Variants in PLXNA4 observed in about 807,000 individuals in gnomAD.
PLXNA4 encodes plexin A4.
PLXNA4 carries 44 observed loss-of-function variants against 191.8 expected under a neutral mutation model. That is an observed-to-expected ratio of 0.23 (90% confidence interval 0.18 to 0.29). The LOEUF (loss-of-function observed/expected upper bound fraction) is 0.29, where lower values mean the gene tolerates loss of function less well. PLXNA4 is among the 10% of genes least tolerant of loss of function. The pLI is 1.00. For synonymous variants in PLXNA4, 1,082 were observed against 1,009.5 expected (o/e 1.07, Z -1.36); for missense variants, 1,800 against 2,488.8 (o/e 0.72, Z 5.89).
intron 8 of PLXNA4, among the ~76,000 whole-genome samples, chr7:132,225,613 T>G (rs1798290831): frequency 2.2e-5 from 2 of 92,336 alleles, no homozygotes; most frequent in African/African-American, 1.1e-4. Context: ...TAAGCCAGAG[T>G]CCGCCCCCCC....
chr7:132,393,190 A>AC (rs747385813), intron 3 of PLXNA4, among the ~76,000 whole-genome samples: 1,038 of 95,150 alleles, frequency 0.011, 13 homozygotes, highest in African/African-American at 0.034. Flanking sequence ...GACCCCCAAC[A>AC]CCCCCCCCCA....
intron 1 of PLXNA4, among the ~76,000 whole-genome samples, chr7:132,535,462 T>C (rs1353857496): frequency 6.6e-6 from 1 of 152,156 alleles, no homozygotes; most frequent in Non-Finnish European, 1.5e-5. Flanking sequence ...CGGCCTTTTG[T>C]GGCTGAGGCC....
intron 2 of PLXNA4, among the ~76,000 whole-genome samples, chr7:132,596,067 C>T (rs751670738): frequency 2.0e-5 from 3 of 152,132 alleles, no homozygotes; most frequent in Admixed American, 6.5e-5. Flanking sequence ...AAAATTCACA[C>T]ATTGTATTTG....
chr7:132,274,256 A>C (rs1800186602), intron 4 of PLXNA4, among the ~76,000 whole-genome samples: 1 of 151,374 alleles, frequency 6.6e-6, no homozygotes, highest in Admixed American at 6.6e-5. Flanking sequence ...AGTGGTAATT[A>C]CGCTAATATG....
At chr7:132,420,114 A>T (rs1354833258) in intron 3 of PLXNA4, among the ~76,000 whole-genome samples, 1 of 152,144 alleles carries the variant, frequency 6.6e-6, no homozygotes, top group Non-Finnish European at 1.5e-5. Context: ...GAGTGAGGGG[A>T]TCCCCACCAA....
chr7:132,140,403 C>T (rs993393368), intron 30 of PLXNA4, among the ~76,000 whole-genome samples, 196 bp downstream of exon 30: 1 of 152,134 alleles, frequency 6.6e-6, no homozygotes, highest in South Asian at 2.1e-4. Flanking sequence ...CAACCTCTGG[C>T]CAAGTTTTCC....
chr7:132,544,894 A>C (rs1208784325), intron 1 of PLXNA4, among the ~76,000 whole-genome samples: 1 of 152,246 alleles, frequency 6.6e-6, no homozygotes, highest in African/African-American at 2.4e-5. Context: ...AAAGGGCTAT[A>C]TAAATTTCAC....
chr7:132,438,964 G>A (rs150427308), intron 3 of PLXNA4, among the ~76,000 whole-genome samples: 139 of 152,286 alleles, frequency 9.1e-4, no homozygotes, highest in African/African-American at 3.0e-3. Flanking sequence ...GAACTGTCAC[G>A]TCCCTTTTAA....
chr7:132,578,209 G>T (rs116972549), upstream of PLXNA4, among the ~76,000 whole-genome samples: 441 of 151,974 alleles, frequency 2.9e-3, no homozygotes, highest in Non-Finnish European at 5.8e-3. Context: ...AAACCGAAGG[G>T]ATTCCCACAC....
At chr7:132,459,554 T>A (rs1373472166) in intron 3 of PLXNA4, among the ~76,000 whole-genome samples, 1 of 152,160 alleles carries the variant, frequency 6.6e-6, no homozygotes, top group Non-Finnish European at 1.5e-5. Context: ...GGTCCAGGTC[T>A]TGGGTTTGTG....
chr7:132,165,283 G>C, intron 22 of PLXNA4, 83 bp from the exon 23 acceptor site: 1 of 1,533,846 alleles, frequency 6.5e-7, no homozygotes, highest in Admixed American at 1.9e-5. Context: ...GGAAGGGCAA[G>C]GGAGGAATTG....
At chr7:132,169,371 G>A (rs35454736) in intron 21 of PLXNA4, among the ~76,000 whole-genome samples, 52,773 of 151,888 alleles carry the variant, frequency 0.35, 10,816 homozygotes, top group African/African-American at 0.56. Flanking sequence ...GGTGTGGAAG[G>A]CCCACCTCTG....
intron 2 of PLXNA4, among the ~76,000 whole-genome samples, chr7:132,640,360 C>T (rs942056837): frequency 5.9e-5 from 9 of 152,166 alleles, no homozygotes; most frequent in Admixed American, 2.0e-4. Context: ...CGGAATGCAT[C>T]GCATCCCCCT....
At position 132,130,171 on chromosome 7, in the gene PLXNA4, G is replaced by T. The variant is rs546829895; in HGVS notation, c.*308C>A. ...GCACCCTGCTGCTGACATGCACAGGGTCAGGAGCACCTGGGAGACAGAGGC... is the reference window on the plus strand; with the variant it reads ...GCACCCTGCTGCTGACATGCACAGGTTCAGGAGCACCTGGGAGACAGAGGC... On this transcript the variant is annotated 3_prime_UTR_variant, in exon 32 of 32. Coordinates refer to ENST00000321063, the MANE Select transcript of PLXNA4 (RefSeq NM_020911.2). The T allele has an allele frequency of 4.0e-4, 140 of 346,758 alleles. 3 individuals carry two copies. In the South Asian group the frequency reaches 4.8e-3, roughly 12 times the overall value. 21.5% of individuals were successfully genotyped at this position (346,758 alleles called of 1,614,324 possible). A position where few individuals can be genotyped will look rare whatever the true frequency, so the allele number is the denominator to read the frequency against.
At chr7:132,220,810 CTTTTTTTT>C (rs35090579) in intron 9 of PLXNA4, among the ~76,000 whole-genome samples, 1 of 100,786 alleles carries the variant, frequency 9.9e-6, no homozygotes, top group Non-Finnish European at 1.9e-5. Context: ...TTATTTTATT[CTTTTTTTT>C]TTTTTTTTTT....
chr7:132,491,166 A>C lies in PLXNA4; in HGVS notation c.1189-1692T>G, dbSNP rs910094959. Among the ~76,000 whole-genome samples the C allele has an allele frequency of 6.6e-5, 10 of 152,222 alleles. 1 individual carries two copies. The highest frequency in any genetic ancestry group is 6.5e-4 in the Admixed American group (10 of 15,292). On this transcript the variant is annotated intron_variant, in intron 2 of 31. Coordinates refer to ENST00000321063, the MANE Select transcript of PLXNA4 (RefSeq NM_020911.2). ...TGACGGAAACAATCCCCGCTCTTTG[A>C]TGGGCTACCATAAAGCCTATTGCAC...
intron 9 of PLXNA4, among the ~76,000 whole-genome samples, chr7:132,214,559 C>T (rs1259371628): frequency 6.6e-6 from 1 of 152,134 alleles, no homozygotes; most frequent in Non-Finnish European, 1.5e-5. Flanking sequence ...CCCTTCCTCC[C>T]ACCCCAGCAT....
At chr7:132,260,354 C>T (rs1799593437) in intron 4 of PLXNA4, among the ~76,000 whole-genome samples, 1 of 152,136 alleles carries the variant, frequency 6.6e-6, no homozygotes, top group African/African-American at 2.4e-5. Context: ...ATGCTTTTTA[C>T]AGCCACGTGG....
chr7:132,323,137 G>GAGTTC (rs1802237501), intron 3 of PLXNA4, among the ~76,000 whole-genome samples: 1 of 152,186 alleles, frequency 6.6e-6, no homozygotes, highest in Non-Finnish European at 1.5e-5. Flanking sequence ...TGATCCCCAC[G>GAGTTC]AGTTCACCTT....
Sources: gnomAD v4.1 joint callset for allele counts (sites outside exome capture counted in the v4.1 genomes callset) on GRCh38, gnomAD v4.1.1 for gene constraint, MANE v1.5 for transcripts, NCBI Gene and HGNC (gene_info 2026-07-23, HGNC 2026-07-21) for gene names.